Variants in VIPR2 observed in about 807,000 individuals in gnomAD.
VIPR2 encodes vasoactive intestinal polypeptide receptor 2.
Under a neutral mutation model 58.0 loss-of-function variants are expected in VIPR2, and 48 were observed. The ratio of observed to expected loss-of-function variants is 0.83; its 90% CI spans 0.66 to 1.05. VIPR2 has a LOEUF of 1.05. Among genes scored for constraint, VIPR2 ranks in the 50% least tolerant of loss-of-function variants. The pLI, the probability that VIPR2 is intolerant of heterozygous loss-of-function variation, is 0.00. For missense variants in VIPR2, 534 were observed against 558.0 expected (o/e 0.96, Z 0.43); for synonymous variants, 243 against 235.2 (o/e 1.03, Z -0.30).
intron 2 of VIPR2, among the ~76,000 whole-genome samples, chr7:159,133,301 G>A (rs570873025): frequency 3.0e-4 from 46 of 152,348 alleles, no homozygotes; most frequent in South Asian, 1.2e-3. Context: ...CACGGCCCAC[G>A]GTCCCAATAA....
chr7:159,059,285 T>A, intron 4 of VIPR2: 1 of 471,292 alleles, frequency 2.1e-6, no homozygotes, highest in South Asian at 1.5e-5. Context: ...CAGCAACACC[T>A]GCAGGGCATC....
At chr7:159,100,168 G>T (rs952755536) in intron 4 of VIPR2, among the ~76,000 whole-genome samples, 1 of 152,104 alleles carries the variant, frequency 6.6e-6, no homozygotes, top group Non-Finnish European at 1.5e-5. Context: ...GAGCTGTCCC[G>T]ACCAGATGGC....
intron 2 of VIPR2, among the ~76,000 whole-genome samples, chr7:159,114,948 A>G (rs898542872): frequency 6.6e-6 from 1 of 152,258 alleles, no homozygotes; most frequent in African/African-American, 2.4e-5. Flanking sequence ...GCAATTCATT[A>G]TTATTCAACA....
Position 159,097,335 on chromosome 7 carries a change from G to C in VIPR2, c.357+6422C>G. ...CATGGGGAGGCCGAAATGCCAAACA[G>C]TTCTCTTGGCTAAATTTAGCAGACG... is the stretch of plus-strand genomic sequence containing the variant. On this transcript the variant is annotated intron_variant, in intron 4 of 12. Transcript: ENST00000262178. The surrounding 1 kb of genome is among the most constrained non-coding windows in gnomAD (Gnocchi z 5.3). The C allele has an allele frequency of 8.6e-7, 1 of 1,165,204 alleles. No individual in the cohort carries two copies. Among genetic ancestry groups the C allele is most frequent in the East Asian group, 2.8e-5 (1 of 35,962 alleles). 72.2% of individuals were successfully genotyped at this position (1,165,204 alleles called of 1,614,324 possible). A position where few individuals can be genotyped will look rare whatever the true frequency, so the allele number is the denominator to read the frequency against.
At chr7:159,144,554 T>C in intron 1 of VIPR2, 167 bp downstream of exon 1, 1 of 1,465,264 alleles carries the variant, frequency 6.8e-7, no homozygotes, top group South Asian at 1.3e-5. Flanking sequence ...CGCTTCACGC[T>C]CTCCGGGAGG....
At chr7:159,049,116 A>G (rs1854829114) in intron 5 of VIPR2, among the ~76,000 whole-genome samples, 1 of 152,246 alleles carries the variant, frequency 6.6e-6, no homozygotes, top group Non-Finnish European at 1.5e-5. Flanking sequence ...CTCTTCTTCC[A>G]GCAAGACCCT....
chr7:159,084,888 A>G (rs909227158), intron 4 of VIPR2, among the ~76,000 whole-genome samples: 1 of 152,176 alleles, frequency 6.6e-6, no homozygotes, highest in Non-Finnish European at 1.5e-5. Context: ...AGAAACCATA[A>G]CCTATTTTTG....
chr7:159,069,791 T>C (rs1165031875), intron 4 of VIPR2, among the ~76,000 whole-genome samples: 1 of 145,890 alleles, frequency 6.9e-6, no homozygotes, highest in African/African-American at 2.6e-5. Flanking sequence ...TTGTTTCTGG[T>C]TCACACTTTC....
intron 2 of VIPR2, among the ~76,000 whole-genome samples, chr7:159,123,853 G>T (rs1796560087): frequency 6.6e-6 from 1 of 152,174 alleles, no homozygotes; most frequent in Non-Finnish European, 1.5e-5. Context: ...TCTGACTGGT[G>T]TGAGATGGTA....
intron 4 of VIPR2, among the ~76,000 whole-genome samples, chr7:159,063,236 G>C (rs931843895): frequency 4.1e-5 from 6 of 146,398 alleles, no homozygotes; most frequent in South Asian, 4.2e-4. Flanking sequence ...ACGGCGGGGT[G>C]GGGGGAGACT....
At chr7:159,034,557 C>T in intron 9 of VIPR2, 24 bp downstream of exon 9, 4 of 1,605,754 alleles carry the variant, frequency 2.5e-6, no homozygotes, top group Non-Finnish European at 3.4e-6. Flanking sequence ...ACAGATAATC[C>T]ACATGTCAAC....
intron 4 of VIPR2, among the ~76,000 whole-genome samples, chr7:159,084,375 T>G (rs1247743547): frequency 2.6e-5 from 4 of 152,186 alleles, no homozygotes; most frequent in Non-Finnish European, 5.9e-5. Flanking sequence ...TGGAGGGCAG[T>G]GCCGCCAGGT....
At chr7:159,041,082 G>A (rs369534121) in intron 6 of VIPR2, among the ~76,000 whole-genome samples, 21 of 152,324 alleles carry the variant, frequency 1.4e-4, no homozygotes, top group African/African-American at 4.6e-4. Flanking sequence ...CCGAGACTCC[G>A]GGCCAGTTGC....
rs1857667493 is a variant in VIPR2, at chr7:159,093,979, G to T, written c.357+9778C>A. Reference sequence around the variant, plus strand: ...GCAGGAAGCTGAAGGGTAGGATGGGGAACAGGCTCACATCTGTGATGGGAA... The same window carrying T: ...GCAGGAAGCTGAAGGGTAGGATGGGTAACAGGCTCACATCTGTGATGGGAA... On this transcript the variant is annotated intron_variant, in intron 4 of 12. Coordinates refer to ENST00000262178, the MANE Select transcript of VIPR2 (RefSeq NM_003382.5). This position sits in a 1 kb window ranked among gnomAD's most constrained non-coding sequence, Gnocchi z 6.7. 6.6e-6 allele frequency among the ~76,000 whole-genome samples: 1 copy of T among 152,234 alleles called. No individual in the cohort carries two copies. The highest frequency in any genetic ancestry group is 2.4e-5 in the African/African-American group (1 of 41,458).
At chr7:159,083,910 G>A (rs1019184547) in intron 4 of VIPR2, among the ~76,000 whole-genome samples, 1 of 152,258 alleles carries the variant, frequency 6.6e-6, no homozygotes, top group Non-Finnish European at 1.5e-5. Flanking sequence ...CTGGGCTGGT[G>A]CATGTGAACA....
chr7:159,092,821 A>G (rs1206103576), intron 4 of VIPR2, among the ~76,000 whole-genome samples: 2 of 151,622 alleles, frequency 1.3e-5, no homozygotes, highest in African/African-American at 2.4e-5. Context: ...TTCTGCTTGG[A>G]AGGACTGTGG....
rs762883534 is a variant in VIPR2 at position 159,093,823 on chromosome 7, C to T, written c.357+9934G>A. On this transcript the variant is annotated intron_variant, in intron 4 of 12. Transcript: ENST00000262178. This position sits in a 1 kb window ranked among gnomAD's most constrained non-coding sequence, Gnocchi z 6.7. ...AGAGGCCCTGCAGCGTCCCTGGGTC[C>T]GGACATGGGAGAGGCCCCGCAGTGT... Among the ~76,000 whole-genome samples the T allele has an allele frequency of 4.6e-5, 7 of 150,920 alleles. No homozygotes were observed. The highest frequency in any genetic ancestry group is 1.9e-4 in the East Asian group (1 of 5,134).
chr7:159,038,857 G>T (rs754493718), intron 6 of VIPR2, among the ~76,000 whole-genome samples: 5 of 152,118 alleles, frequency 3.3e-5, no homozygotes, highest in Non-Finnish European at 5.9e-5. Flanking sequence ...AAATACAATT[G>T]ACAAATCATG....
Position 159,097,822 on chromosome 7 carries a change from CAA to C in VIPR2, c.357+5933_357+5934del, listed in dbSNP as rs946256790. Among the ~76,000 whole-genome samples the C allele has an allele frequency of 3.3e-5, 5 of 152,170 alleles. No homozygotes were observed. The highest frequency in any genetic ancestry group is 7.4e-5 in the Non-Finnish European group (5 of 68,018). ...ATAGGGCGGGCAACAGGGCTTTGTG[CAA>C]AGTCACTCAGCCATCGGTGAGTGAC... On this transcript the variant is annotated intron_variant, in intron 4 of 12. Transcript: ENST00000262178. The surrounding 1 kb of genome is among the most constrained non-coding windows in gnomAD (Gnocchi z 5.3).
Sources: allele counts gnomAD v4.1 joint callset (sites outside exome capture counted in the v4.1 genomes callset), GRCh38; gene constraint gnomAD v4.1.1; non-coding constraint Gnocchi (gnomAD v3.1); transcripts MANE v1.5; gene names NCBI Gene and HGNC (gene_info 2026-07-23, HGNC 2026-07-21).